ANKRD63: variants seen among roughly 807,000 people sequenced by gnomAD.
ANKRD63 encodes the protein ankyrin repeat domain-containing protein 63.
ANKRD63 carries 18 observed loss-of-function variants against 21.2 expected under a neutral mutation model. That is an observed-to-expected ratio of 0.85 (90% CI 0.59 to 1.26). ANKRD63 has a LOEUF of 1.26. ANKRD63 is among the 50% of genes most tolerant of loss of function. The probability of loss-of-function intolerance (pLI) is 0.00; values close to 1 mark genes in which losing one functional copy is unlikely to be tolerated. For synonymous variants in ANKRD63, 322 were observed against 273.3 expected (o/e 1.18, Z -1.76); for missense variants, 523 against 570.9 (o/e 0.92, Z 0.85).
rs893582736 is a variant in ANKRD63, at chr15:40,281,784, T to G, written c.803A>C (p.Glu268Ala). The change falls in exon 1 of 1, where the codon GAG (glutamate) becomes GCG (alanine). Residue 268 changes from glutamate to alanine, a missense_variant. Around this residue, in one of 2 missense-constraint regions of ANKRD63, gnomAD observed 308 missense variants for 290.4 expected, o/e 1.06. Coordinates refer to ENST00000434396, the MANE Select transcript of ANKRD63 (RefSeq NM_001190479.3). ...GGCCCCAGCCCGCAGGCGGGCAGCC[T>G]CCTCCTCGGTTACCGCACCTAGAGC... ...SLALGAVTEE[E>A]AARLRAGALM... 1 of 1,534,974 alleles carries G rather than the reference T, an allele frequency of 6.5e-7. No individual in the cohort carries two copies. Among genetic ancestry groups the G allele is most frequent in the Non-Finnish European group, 8.7e-7 (1 of 1,146,490 alleles).
At position 40,280,539 on chromosome 15, in the gene ANKRD63, G is replaced by T. The variant is rs1164154851; in HGVS notation, c.*905C>A. ...ACGTGCGGGACGGGGGAGCTGGGAG[G>T]CGTGGAGGCGGGGAAGCGCTCAGTC... On this transcript the variant is annotated 3_prime_UTR_variant, in exon 1 of 1. Coordinates refer to ENST00000434396, the MANE Select transcript of ANKRD63 (RefSeq NM_001190479.3). 6.6e-6 allele frequency among the ~76,000 whole-genome samples: 1 copy of T among 152,272 alleles called. No homozygotes were observed. The highest frequency in any genetic ancestry group is 2.4e-5 in the African/African-American group (1 of 41,476).
Position 40,282,607 on chromosome 15 carries a change from G to T in ANKRD63, c.-21C>A. The T allele has an allele frequency of 7.3e-7, 1 of 1,369,768 alleles. No homozygotes were observed. Among genetic ancestry groups the T allele is most frequent in the Non-Finnish European group, 9.4e-7 (1 of 1,067,452 alleles). 84.9% of individuals were successfully genotyped at this position (1,369,768 alleles called of 1,614,324 possible). A position where few individuals can be genotyped will look rare whatever the true frequency, so the allele number is the denominator to read the frequency against. ...AGCATGGCCCCGGCCGCCGCGCCCGGGCAGCCTGGCAGTTCCGCACGGGGG... is the reference window on the plus strand; with the variant it reads ...AGCATGGCCCCGGCCGCCGCGCCCGTGCAGCCTGGCAGTTCCGCACGGGGG... On this transcript the variant is annotated 5_prime_UTR_variant, in exon 1 of 1. Transcript: ENST00000434396.
chr15:40,281,537 C>T lies in ANKRD63; in HGVS notation c.1050G>A (p.Pro350=). 6.5e-7 allele frequency: 1 copy of T among 1,528,196 alleles called. No individual in the cohort carries two copies. 94.7% of individuals were successfully genotyped at this position (1,528,196 alleles called of 1,614,324 possible). The change falls in exon 1 of 1, where the codon CCG becomes CCA. Residue 350 remains proline (P), a synonymous_variant. Coordinates refer to ENST00000434396, the MANE Select transcript of ANKRD63 (RefSeq NM_001190479.3). ...VGEAPGPESG[P]ELEANALSVS... ...CAGACAGAGCGTTGGCCTCTAACTC[C>T]GGGCCACTCTCGGGCCCTGGCGCCT...
rs1245607705 is a variant in ANKRD63, at chr15:40,278,544, A to C, written c.*2900T>G. ...CTGGGTGACTCTTCACAATGACAAA[A>C]GCAACAAGAACTGGAAAAGCAAAAT... On this transcript the variant is annotated 3_prime_UTR_variant, in exon 1 of 1. Coordinates refer to ENST00000434396, the MANE Select transcript of ANKRD63 (RefSeq NM_001190479.3). Among the ~76,000 whole-genome samples, 1 of 150,400 alleles carries C rather than the reference A, an allele frequency of 6.6e-6. No individual in the cohort carries two copies. The highest frequency in any genetic ancestry group is 6.7e-5 in the Admixed American group (1 of 14,964).
In ANKRD63 at chr15:40,281,467, C is replaced by A; in HGVS notation, c.1120G>T (p.Val374Leu). 1 of 1,426,474 alleles carries A rather than the reference C, an allele frequency of 7.0e-7. No individual in the cohort carries two copies. Among genetic ancestry groups the A allele is most frequent in the South Asian group, 1.5e-5 (1 of 67,726 alleles). 88.4% of individuals were successfully genotyped at this position (1,426,474 alleles called of 1,614,324 possible). A position where few individuals can be genotyped will look rare whatever the true frequency, so the allele number is the denominator to read the frequency against. Residue 374 changes from valine to leucine, a missense_variant, in exon 1 of 1, where the codon GTG becomes TTG. Val to Leu is a conservative substitution (Grantham distance 32). Around this residue, in one of 2 missense-constraint regions of ANKRD63, gnomAD observed 308 missense variants for 290.4 expected, o/e 1.06. Transcript: ENST00000434396. Reference sequence around the variant, plus strand: ...GTTTACCGCTGAGCACGCAGCACCACAGCCTCGGTGCCCGCCTGCCAAGGG... The same window carrying A: ...GTTTACCGCTGAGCACGCAGCACCAAAGCCTCGGTGCCCGCCTGCCAAGGG... ...PNPWQAGTEA[V>L]VLRAQR is the part of the protein sequence containing the mutation.
At position 40,282,208 on chromosome 15, in the gene ANKRD63, A is replaced by AGGCCGCC; in HGVS notation, c.372_378dup (p.Cys127GlyfsTer69). 6.6e-7 allele frequency: 1 copy of AGGCCGCC among 1,504,874 alleles called. No individual in the cohort carries two copies. Among genetic ancestry groups the AGGCCGCC allele is most frequent in the Non-Finnish European group, 8.8e-7 (1 of 1,135,082 alleles). 93.2% of individuals were successfully genotyped at this position (1,504,874 alleles called of 1,614,324 possible). A position where few individuals can be genotyped will look rare whatever the true frequency, so the allele number is the denominator to read the frequency against. On this transcript the variant is annotated frameshift_variant, in exon 1 of 1. Transcript: ENST00000434396. LOFTEE classifies it high-confidence loss of function. Reference sequence around the variant, plus strand: ...AACTCGAGCACCGCCCCGTGGCCGCAGGCCGCCGCCCACATCACCGGGCTG... The same window carrying AGGCCGCC: ...AACTCGAGCACCGCCCCGTGGCCGCAGGCCGCCGGCCGCCGCCCACATCACCGGGCTG...
rs115865300 is a variant in ANKRD63 at position 40,281,426 on chromosome 15, C to T, written c.*18G>A. 1.8e-3 allele frequency: 2,451 copies of T among 1,377,638 alleles called. 41 individuals are homozygous for T. The African/African-American group carries it at 0.033, about 18-fold the overall frequency. 85.3% of individuals were successfully genotyped at this position (1,377,638 alleles called of 1,614,324 possible). A position where few individuals can be genotyped will look rare whatever the true frequency, so the allele number is the denominator to read the frequency against. ...AAACGGGAGGGTAGGGGAAGCAGGC[C>T]TCGGGCCTTGGCGCCGTTTACCGCT... On this transcript the variant is annotated 3_prime_UTR_variant, in exon 1 of 1. Coordinates refer to ENST00000434396, the MANE Select transcript of ANKRD63 (RefSeq NM_001190479.3).
Position 40,281,939 on chromosome 15 carries a change from C to G in ANKRD63, c.648G>C (p.Arg216=). ...CTCGCGCAAAGCGCGCCAGGAGAGG[C>G]CGCGGGAGGCGGCGGGGGCTGGGTC... ...HRRPSPRRLP[R]PLLARFARAA... The change falls in exon 1 of 1, where the codon CGG becomes CGC. Residue 216 remains arginine (R), a synonymous_variant. Coordinates refer to ENST00000434396, the MANE Select transcript of ANKRD63 (RefSeq NM_001190479.3). The G allele has an allele frequency of 4.6e-6, 6 of 1,318,556 alleles. No homozygotes were observed. The highest frequency in any genetic ancestry group is 1.5e-5 in the African/African-American group (1 of 64,604). The allele number at this position is 1,318,556 out of a possible 1,614,324, so 81.7% of individuals were successfully genotyped here.
In ANKRD63 at chr15:40,282,328, C is replaced by T. The variant is rs1485315250; in HGVS notation, c.259G>A (p.Ala87Thr). ...VNLRDERGRT[A>T]LSLACERGHL... ...CCTCGCTCGCACGCCAGGCTGAGTGCGGTGCGGCCGCGCTCGTCTCGCAGG... is the reference window on the plus strand; with the variant it reads ...CCTCGCTCGCACGCCAGGCTGAGTGTGGTGCGGCCGCGCTCGTCTCGCAGG... The change falls in exon 1 of 1, where the codon GCA becomes ACA. Residue 87 changes from alanine (A) to threonine (T), a missense_variant. Physicochemically the swap from Ala to Thr is moderately conservative, Grantham distance 58 (BLOSUM62 0). Transcript: ENST00000434396. 6.6e-7 allele frequency: 1 copy of T among 1,514,224 alleles called. No homozygotes were observed. The highest frequency in any genetic ancestry group is 2.1e-5 in the Admixed American group (1 of 48,492). The allele number at this position is 1,514,224 out of a possible 1,614,324, so 93.8% of individuals were successfully genotyped here.
At position 40,282,705 on chromosome 15, in the gene ANKRD63, C is replaced by T. The variant is rs1407629099; in HGVS notation, c.-119G>A. On this transcript the variant is annotated 5_prime_UTR_variant, in exon 1 of 1. Transcript: ENST00000434396. ...TGATACCTCTCCCTCCGCGCGTGGG[C>T]GGCTGCAGCCGAGGGTCCCGAGGTT... is the stretch of plus-strand genomic sequence containing the variant. 1.0e-5 allele frequency: 8 copies of T among 764,780 alleles called. No homozygotes were observed. The highest frequency in any genetic ancestry group is 1.5e-5 in the Non-Finnish European group (8 of 532,860). 47.4% of individuals were successfully genotyped at this position (764,780 alleles called of 1,614,324 possible).
In ANKRD63 at chr15:40,279,365, A is replaced by T. The variant is rs2039517341; in HGVS notation, c.*2079T>A. ...TTATTGAAGGGTCTGGGCTCCTGCT[A>T]CTCTCAATGCGAGTTTTTTGTTCAT... On this transcript the variant is annotated 3_prime_UTR_variant, in exon 1 of 1. Transcript: ENST00000434396. 6.6e-6 allele frequency among the ~76,000 whole-genome samples: 1 copy of T among 152,112 alleles called. No homozygotes were observed. Among genetic ancestry groups the T allele is most frequent in the African/African-American group, 2.4e-5 (1 of 41,412 alleles).
At position 40,282,845 on chromosome 15, in the gene ANKRD63, C is replaced by G. The variant is rs535226072; in HGVS notation, c.-259G>C. On this transcript the variant is annotated 5_prime_UTR_variant, in exon 1 of 1. Coordinates refer to ENST00000434396, the MANE Select transcript of ANKRD63 (RefSeq NM_001190479.3). ...CTGGAGGTGTTGATTGCTCGCTACT[C>G]CGGGCTCCGCTCCTGGCCCGCCACC... is the stretch of plus-strand genomic sequence containing the variant. 2.0e-5 allele frequency among the ~76,000 whole-genome samples: 3 copies of G among 152,300 alleles called. No individual in the cohort carries two copies. The South Asian group carries it at 6.2e-4, about 32-fold the overall frequency.
Position 40,281,589 on chromosome 15 carries a change from G to A in ANKRD63, c.998C>T (p.Ala333Val), listed in dbSNP as rs1021020295. Residue 333 changes from alanine to valine, a missense_variant, in exon 1 of 1, where the codon GCC becomes GTC. By Grantham distance (64) the Ala-to-Val change is moderately conservative. This residue lies in a region of ANKRD63 where 308 missense variants were observed against 290.4 expected (regional missense o/e 1.06). Coordinates refer to ENST00000434396, the MANE Select transcript of ANKRD63 (RefSeq NM_001190479.3). ...GRLGLRRRSTAPDIPSLVGEA... is the reference protein window; with the variant it reads ...GRLGLRRRSTVPDIPSLVGEA... ...CCCGACCAGGCTGGGGATATCTGGG[G>A]CTGTGGAGCGTCGGCGCAAACCCAG... 2 of 1,532,022 alleles carry A rather than the reference G, an allele frequency of 1.3e-6. No homozygotes were observed. Among genetic ancestry groups the A allele is most frequent in the Non-Finnish European group, 1.7e-6 (2 of 1,144,938 alleles). The allele number at this position is 1,532,022 out of a possible 1,614,324, so 94.9% of individuals were successfully genotyped here.
Position 40,282,371 on chromosome 15 carries a change from C to T in ANKRD63, c.216G>A (p.Glu72=). The T allele has an allele frequency of 6.7e-7, 1 of 1,500,546 alleles. No individual in the cohort carries two copies. The highest frequency in any genetic ancestry group is 8.8e-7 in the Non-Finnish European group (1 of 1,133,956). The allele number at this position is 1,500,546 out of a possible 1,614,324, so 93.0% of individuals were successfully genotyped here. ...CTCGCAGGTTCACTGCAGCACCCTG[C>T]TCGAGCAGCAGCCGCACGAAGCGCG... The part of the protein sequence containing the change: ...LRARFVRLLL[E]QGAAVNLRDE... The change falls in exon 1 of 1, where the codon GAG becomes GAA. Residue 72 remains glutamate, a synonymous_variant. Coordinates refer to ENST00000434396, the MANE Select transcript of ANKRD63 (RefSeq NM_001190479.3).
Position 40,281,378 on chromosome 15 carries a change from AGAG to A in ANKRD63, c.*63_*65del. The A allele has an allele frequency of 7.8e-7, 1 of 1,287,532 alleles. No homozygotes were observed. The allele number at this position is 1,287,532 out of a possible 1,614,324, so 79.8% of individuals were successfully genotyped here. On this transcript the variant is annotated 3_prime_UTR_variant, in exon 1 of 1. Coordinates refer to ENST00000434396, the MANE Select transcript of ANKRD63 (RefSeq NM_001190479.3). ...CTGCCGAAAAGGTGAGGGACCTAGA[AGAG>A]AGAAATACCAGTGGAGTAGAAACGG... is the stretch of plus-strand genomic sequence containing the variant.
rs554857516 is a variant in ANKRD63, at chr15:40,279,783, A to G, written c.*1661T>C. Among the ~76,000 whole-genome samples, 1 of 152,338 alleles carries G rather than the reference A, an allele frequency of 6.6e-6. No individual in the cohort carries two copies. The highest frequency in any genetic ancestry group is 1.9e-4 in the East Asian group (1 of 5,180). On this transcript the variant is annotated 3_prime_UTR_variant, in exon 1 of 1. Transcript: ENST00000434396. ...CTGGCGAGAAACCTTCCGTACTGCA[A>G]AGGCAAACAGATCGAAGTCTTGCAA...
rs1214475229 is a variant in ANKRD63, at chr15:40,282,834, T to G, written c.-248A>C. On this transcript the variant is annotated 5_prime_UTR_variant, in exon 1 of 1. Coordinates refer to ENST00000434396, the MANE Select transcript of ANKRD63 (RefSeq NM_001190479.3). ...GGGCCTCCCGCCTGGAGGTGTTGAT[T>G]GCTCGCTACTCCGGGCTCCGCTCCT... Among the ~76,000 whole-genome samples, 1 of 152,108 alleles carries G rather than the reference T, an allele frequency of 6.6e-6. No individual in the cohort carries two copies. Among genetic ancestry groups the G allele is most frequent in the Non-Finnish European group, 1.5e-5 (1 of 67,990 alleles).
In ANKRD63 at chr15:40,281,557, G is replaced by A; in HGVS notation, c.1030C>T (p.Pro344Ser). The stretch of plus-strand genomic sequence containing the variant: ...AACTCCGGGCCACTCTCGGGCCCTG[G>A]CGCCTCCCCGACCAGGCTGGGGATA... ...PDIPSLVGEA[P>S]GPESGPELEA... Residue 344 changes from proline (P) to serine (S), a missense_variant, in exon 1 of 1, where the codon CCA becomes TCA. Transcript: ENST00000434396. 3 of 1,532,170 alleles carry A rather than the reference G, an allele frequency of 2.0e-6. No individual in the cohort carries two copies. In the East Asian group the frequency reaches 7.4e-5, roughly 38 times the overall value. 94.9% of individuals were successfully genotyped at this position (1,532,170 alleles called of 1,614,324 possible).
rs147323748 is a variant in ANKRD63 at position 40,278,978 on chromosome 15, T to C, written c.*2466A>G. Reference sequence around the variant, plus strand: ...TGTTAAGCCAAAATACTTGCATTTCTACACCACTAAAAACGTCATTAAAAT... The same window carrying C: ...TGTTAAGCCAAAATACTTGCATTTCCACACCACTAAAAACGTCATTAAAAT... On this transcript the variant is annotated 3_prime_UTR_variant, in exon 1 of 1. Transcript: ENST00000434396. Among the ~76,000 whole-genome samples the C allele has an allele frequency of 6.6e-4, 100 of 152,360 alleles. No homozygotes were observed. Among genetic ancestry groups the C allele is most frequent in the African/African-American group, 2.3e-3 (96 of 41,582 alleles).
Sources: gnomAD v4.1 joint callset for allele counts (sites outside exome capture counted in the v4.1 genomes callset) on GRCh38, gnomAD v4.1.1 for gene constraint, gnomAD v4.1.1 regional missense constraint, MANE v1.5 for transcripts, NCBI Gene and HGNC (gene_info 2026-07-23, HGNC 2026-07-21) for gene names.